The following PDE8B variants were observed in gnomAD, a reference collection of about 807,000 sequenced individuals.
The protein encoded by PDE8B is phosphodiesterase 8B, also known as high affinity cAMP-specific and IBMX-insensitive 3',5'-cyclic phosphodiesterase 8B.
PDE8B carries 26 observed loss-of-function variants against 101.3 expected under a neutral mutation model. That is an observed-to-expected ratio of 0.26 (90% CI 0.19 to 0.36). PDE8B has a LOEUF of 0.36. Ranked by LOEUF, PDE8B falls within the 10% of genes least tolerant of loss-of-function variation. PDE8B has a pLI of 1.00. For synonymous variants in PDE8B, 424 were observed against 429.3 expected, an observed-to-expected ratio of 0.99 and a Z score of 0.15; for missense variants, 810 against 1,163.1, an observed-to-expected ratio of 0.70 and a Z score of 4.42.
At chr5:77,377,999 CCTCT>C (rs144095623) in intron 10 of PDE8B, among the ~76,000 whole-genome samples, 27 of 131,358 alleles carry the variant, frequency 2.1e-4, no homozygotes, top group Non-Finnish European at 3.3e-4. Context: ...TCGCTCTCTC[CCTCT>C]CTCTCTACAC....
At chr5:77,232,777 G>T (rs1354137341) in intron 1 of PDE8B, among the ~76,000 whole-genome samples, 2 of 152,220 alleles carry the variant, frequency 1.3e-5, no homozygotes, top group East Asian at 3.8e-4. Flanking sequence ...GCAGCAGGTT[G>T]AACTTTTTTT....
At position 77,409,065 on chromosome 5, in the gene PDE8B, A is replaced by T; in HGVS notation, c.1530+8A>T. The T allele has an allele frequency of 1.2e-6, 2 of 1,613,280 alleles. No individual in the cohort carries two copies. Among genetic ancestry groups the T allele is most frequent in the Non-Finnish European group, 1.7e-6 (2 of 1,179,332 alleles). The stretch of plus-strand genomic sequence containing the variant: ...GTTGGAGGCCTGATGACTGTGAGTG[A>T]TGAGGCAAAACCTGAAAAGCAAGAG... On this transcript the variant is annotated splice_region_variant and intron_variant, in intron 14 of 21. Transcript: ENST00000264917.
At chr5:77,265,480 T>C (rs1761508415) in intron 1 of PDE8B, among the ~76,000 whole-genome samples, 1 of 152,240 alleles carries the variant, frequency 6.6e-6, no homozygotes, top group Non-Finnish European at 1.5e-5. Context: ...TTAAATTGTT[T>C]TTTTTAACTG....
chr5:77,329,004 C>A lies in PDE8B; in HGVS notation c.597C>A (p.Ile199=), dbSNP rs1182527314. The change falls in exon 4 of 22, where the codon ATC becomes ATA. Residue 199 remains isoleucine (I), a synonymous_variant. Coordinates refer to ENST00000264917, the MANE Select transcript of PDE8B (RefSeq NM_003719.5). The part of the protein sequence containing the change: ...NFDAEAVCRS[I]RATNPSEHTV... ...TGGAGCCTTCTCATTGCAGGTCGATCCGGGCCACAAATCCCTCCGAGCACA... is the reference window on the plus strand; with the variant it reads ...TGGAGCCTTCTCATTGCAGGTCGATACGGGCCACAAATCCCTCCGAGCACA... 1.9e-6 allele frequency: 3 copies of A among 1,613,978 alleles called. No individual in the cohort carries two copies. Among genetic ancestry groups the A allele is most frequent in the Non-Finnish European group, 2.5e-6 (3 of 1,179,882 alleles).
intron 1 of PDE8B, chr5:77,290,483 A>G: frequency 6.8e-7 from 1 of 1,465,740 alleles, no homozygotes; most frequent in Non-Finnish European, 9.6e-7. Flanking sequence ...AAGCATGGAA[A>G]ATCTGGGCAG....
chr5:77,357,997 A>C (rs1782415570), intron 10 of PDE8B, among the ~76,000 whole-genome samples: 1 of 152,028 alleles, frequency 6.6e-6, no homozygotes, highest in Non-Finnish European at 1.5e-5. Flanking sequence ...CTTGGCCTTC[A>C]CTGCCCCCAT....
chr5:77,229,999 G>T (rs1440094707), intron 1 of PDE8B, among the ~76,000 whole-genome samples: 1 of 152,134 alleles, frequency 6.6e-6, no homozygotes, highest in Non-Finnish European at 1.5e-5. Flanking sequence ...GTGTTTAACT[G>T]AGGAACCACT....
At chr5:77,180,264 C>T in the PDE8B span, among the ~76,000 whole-genome samples, 1 of 152,178 alleles carries the variant, frequency 6.6e-6, no homozygotes, top group East Asian at 1.9e-4. Flanking sequence ...CCCGGGGACG[C>T]GTCTGGAAAG....
chr5:77,152,626 C>G, the PDE8B span, among the ~76,000 whole-genome samples: 1 of 152,196 alleles, frequency 6.6e-6, no homozygotes, highest in Non-Finnish European at 1.5e-5. Context: ...TTTTCTCCAG[C>G]ATTGTTAACA....
intron 6 of PDE8B, among the ~76,000 whole-genome samples, chr5:77,337,563 C>T (rs1386348864): frequency 6.6e-6 from 1 of 152,126 alleles, no homozygotes; most frequent in East Asian, 1.9e-4. Flanking sequence ...AAATTGTAAC[C>T]TGGGAAAATG....
intron 10 of PDE8B, among the ~76,000 whole-genome samples, chr5:77,366,524 G>A (rs1784179826): frequency 6.6e-6 from 1 of 152,160 alleles, no homozygotes. Flanking sequence ...GCAGCTTTTT[G>A]CATTAGAGGG....
At chr5:77,175,812 A>G in the PDE8B span, among the ~76,000 whole-genome samples, 527 of 152,294 alleles carry the variant, frequency 3.5e-3, 3 homozygotes, top group African/African-American at 0.012. Flanking sequence ...AAAATACCTC[A>G]CCACCGATTT....
At chr5:77,299,919 A>T (rs1396228192) in intron 1 of PDE8B, among the ~76,000 whole-genome samples, 1 of 152,202 alleles carries the variant, frequency 6.6e-6, no homozygotes, top group Non-Finnish European at 1.5e-5. Context: ...GAGAGTTGTA[A>T]CTGAAAAGCT....
the PDE8B span, chr5:77,145,736 A>G: frequency 6.6e-6 from 1 of 152,244 alleles, no homozygotes; most frequent in Admixed American, 6.5e-5. Context: ...GTATTTCAGC[A>G]AAAACACTGC....
intron 10 of PDE8B, among the ~76,000 whole-genome samples, chr5:77,386,265 T>C (rs1177473947): frequency 6.6e-6 from 1 of 152,146 alleles, no homozygotes; most frequent in East Asian, 1.9e-4. Context: ...TGATTTGGGG[T>C]GGAGAGTTCT....
At chr5:77,103,838 C>T in the PDE8B span, among the ~76,000 whole-genome samples, 1 of 152,182 alleles carries the variant, frequency 6.6e-6, no homozygotes, top group Non-Finnish European at 1.5e-5. Context: ...TTTGCTTTTT[C>T]CTCTGTAAGC....
chr5:77,402,838 A>G (rs1005718949), intron 11 of PDE8B, among the ~76,000 whole-genome samples: 3 of 152,230 alleles, frequency 2.0e-5, no homozygotes, highest in Non-Finnish European at 4.4e-5. Flanking sequence ...GCACAGTAGA[A>G]ATTTGAATCT....
At chr5:77,255,910 T>C (rs893783952) in intron 1 of PDE8B, among the ~76,000 whole-genome samples, 2 of 152,230 alleles carry the variant, frequency 1.3e-5, no homozygotes, top group African/African-American at 4.8e-5. Context: ...GAAGGGGAAA[T>C]TGATTTCTCT....
chr5:77,323,420 T>A (rs575108265), intron 2 of PDE8B, among the ~76,000 whole-genome samples: 2 of 152,118 alleles, frequency 1.3e-5, no homozygotes, highest in South Asian at 2.1e-4. Flanking sequence ...ATTGGGGAGG[T>A]TTAGATATGA....
Sources: allele counts gnomAD v4.1 joint callset (sites outside exome capture counted in the v4.1 genomes callset), GRCh38; gene constraint gnomAD v4.1.1; transcripts MANE v1.5; gene names NCBI Gene and HGNC (gene_info 2026-07-23, HGNC 2026-07-21).